The following ABCG8 variants were observed in gnomAD, a reference collection of about 807,000 sequenced individuals.
ABCG8 encodes ATP binding cassette subfamily G member 8, also known as ATP-binding cassette sub-family G member 8.
In ABCG8, 81 loss-of-function variants were observed where a neutral mutation model predicts 71.3. The ratio of observed to expected loss-of-function variants is 1.14; its 90% CI spans 0.95 to 1.37. The LOEUF is 1.37. Among genes scored for constraint, ABCG8 ranks in the 40% most tolerant of loss-of-function variants. The probability of loss-of-function intolerance (pLI) is 0.00; values close to 1 mark genes in which losing one functional copy is unlikely to be tolerated. For missense variants in ABCG8, 1,119 were observed against 866.2 expected (o/e 1.29, Z -3.66); for synonymous variants, 451 against 354.7 (o/e 1.27, Z -3.05).
At chr2:43,850,737 A>G (rs1470138608) in intron 3 of ABCG8, among the ~76,000 whole-genome samples, 2 of 152,160 alleles carry the variant, frequency 1.3e-5, no homozygotes, top group Non-Finnish European at 2.9e-5. Flanking sequence ...ACATGGCGAA[A>G]CCCTGTCTCT....
In ABCG8 at chr2:43,851,796, T is replaced by C; in HGVS notation, c.535T>C (p.Phe179Leu). 1 of 1,614,194 alleles carries C rather than the reference T, an allele frequency of 6.2e-7. No homozygotes were observed. ...TGCCCAGATGCGGCTGCCCAGAACCTTCTCCCAGGCCCAGCGTGACAAAAG... is the reference window on the plus strand; with the variant it reads ...TGCCCAGATGCGGCTGCCCAGAACCCTCTCCCAGGCCCAGCGTGACAAAAG... ...FIAQMRLPRT[F>L]SQAQRDKRVE... The change falls in exon 4 of 13, where the codon TTC (phenylalanine) becomes CTC (leucine). Residue 179 changes from phenylalanine (F) to leucine (L), a missense_variant. Physicochemically the swap from Phe to Leu is conservative, Grantham distance 22 (BLOSUM62 0). Transcript: ENST00000272286.
At chr2:43,874,383 C>CTT (rs918788754) in intron 9 of ABCG8, 24 bp from the exon 10 acceptor site, 1 of 1,539,902 alleles carries the variant, frequency 6.5e-7, no homozygotes, top group African/African-American at 1.4e-5. Context: ...TCTTCATTCT[C>CTT]TTTTCCTTTC....
intron 1 of ABCG8, among the ~76,000 whole-genome samples, chr2:43,842,204 G>A (rs1011110760): frequency 2.6e-5 from 4 of 152,024 alleles, no homozygotes; most frequent in African/African-American, 9.7e-5. Context: ...GTAGAGACAG[G>A]GTTTCACTGT....
chr2:43,877,544 C>T lies in ABCG8; in HGVS notation c.1757-17C>T. ...ATATGAGGGACACCTGTGAGTAACGCGGCTGTCTGTCTCCAGTGCCCGCGT... is the reference window on the plus strand; with the variant it reads ...ATATGAGGGACACCTGTGAGTAACGTGGCTGTCTGTCTCCAGTGCCCGCGT... On this transcript the variant is annotated splice_polypyrimidine_tract_variant and intron_variant, in intron 11 of 12. Coordinates refer to ENST00000272286, the MANE Select transcript of ABCG8 (RefSeq NM_022437.3). 6.2e-7 allele frequency: 1 copy of T among 1,613,362 alleles called. No individual in the cohort carries two copies. The highest frequency in any genetic ancestry group is 2.2e-5 in the East Asian group (1 of 44,874).
At chr2:43,851,099 A>G (rs1376969110) in intron 3 of ABCG8, among the ~76,000 whole-genome samples, 1 of 152,210 alleles carries the variant, frequency 6.6e-6, no homozygotes, top group Non-Finnish European at 1.5e-5. Context: ...AAGACGCTCT[A>G]TAAATGCTCC....
rs1026907000 is a variant in ABCG8 at position 43,863,160 on chromosome 2, A to C, written c.965-8816A>C. Among the ~76,000 whole-genome samples, 4 of 150,432 alleles carry C rather than the reference A, an allele frequency of 2.7e-5. 1 individual carries two copies. Among genetic ancestry groups the C allele is most frequent in the Non-Finnish European group, 5.9e-5 (4 of 67,234 alleles). On this transcript the variant is annotated intron_variant, in intron 6 of 12. Transcript: ENST00000272286. ...ATATAACTCTCACTATCTGGATAGA[A>C]TTTTCACTCTCTGGATATAACTCTC...
At chr2:43,854,979 C>A (rs58696060) in intron 6 of ABCG8, among the ~76,000 whole-genome samples, 3 of 152,258 alleles carry the variant, frequency 2.0e-5, no homozygotes, top group Non-Finnish European at 2.9e-5. Flanking sequence ...GCAGAGCAGC[C>A]GACCAAGGGG....
chr2:43,864,370 A>G (rs985395806), intron 6 of ABCG8, among the ~76,000 whole-genome samples: 1 of 151,642 alleles, frequency 6.6e-6, no homozygotes, highest in South Asian at 2.1e-4. Context: ...ACCTATCTGG[A>G]TATAATTCTC....
At position 43,839,403 on chromosome 2, in the gene ABCG8, C is replaced by CTTTTTTTTTTTTTTTTTT. The variant is rs537784677; in HGVS notation, c.63+311_63+328dup. 1.2e-3 allele frequency among the ~76,000 whole-genome samples: 69 copies of CTTTTTTTTTTTTTTTTTT among 59,312 alleles called. 16 individuals are homozygous for CTTTTTTTTTTTTTTTTTT. The highest frequency in any genetic ancestry group is 1.8e-3 in the Non-Finnish European group (56 of 31,222). 38.9% of individuals were successfully genotyped at this position (59,312 alleles called of 152,430 possible). ...CACTTTTTCTTTTTTCTTTTCTTCT[C>CTTTTTTTTTTTTTTTTTT]TTTTTTTTTTTTTTTTTTTTTTTTT... On this transcript the variant is annotated intron_variant, in intron 1 of 12. Coordinates refer to ENST00000272286, the MANE Select transcript of ABCG8 (RefSeq NM_022437.3).
chr2:43,844,631 G>A (rs370157677), intron 2 of ABCG8, 23 bp downstream of exon 2: 35 of 1,579,366 alleles, frequency 2.2e-5, no homozygotes, highest in Middle Eastern at 3.3e-4. Context: ...CTGGGTTCAA[G>A]GGGAGAGGAG....
intron 6 of ABCG8, among the ~76,000 whole-genome samples, chr2:43,868,560 C>T (rs994688143): frequency 6.6e-6 from 1 of 152,072 alleles, no homozygotes; most frequent in African/African-American, 2.4e-5. Context: ...AGAATTCTGA[C>T]CAGCTGGAGA....
At chr2:43,843,581 G>C (rs375205351) in intron 1 of ABCG8, among the ~76,000 whole-genome samples, 9 of 152,100 alleles carry the variant, frequency 5.9e-5, no homozygotes, top group African/African-American at 2.2e-4. Context: ...TTGAGCCTGA[G>C]AGGTTGAGGA....
intron 1 of ABCG8, 51 bp from the exon 2 acceptor site, chr2:43,844,456 A>C: frequency 6.8e-7 from 1 of 1,462,974 alleles, no homozygotes; most frequent in African/African-American, 1.4e-5. Flanking sequence ...GTCTTCTCCT[A>C]TGTTCTCAGC....
intron 4 of ABCG8, 130 bp from the exon 5 acceptor site, chr2:43,852,224 A>G (rs1668942562): frequency 7.7e-7 from 1 of 1,299,616 alleles, no homozygotes; most frequent in Non-Finnish European, 1.1e-6. Flanking sequence ...TTGGAACTCA[A>G]GTGCTGGAGC....
chr2:43,842,445 C>A (rs1368891183), intron 1 of ABCG8, among the ~76,000 whole-genome samples: 1 of 152,204 alleles, frequency 6.6e-6, no homozygotes, highest in Non-Finnish European at 1.5e-5. Flanking sequence ...AGTCCAGCAT[C>A]TGTCCGAGCT....
rs13405698 is a variant in ABCG8, at chr2:43,874,572, T to C, written c.1488+89T>C. The C allele has an allele frequency of 0.25, 279,429 of 1,104,180 alleles. 37,859 individuals carry two copies. The highest frequency in any genetic ancestry group is 0.31 in the Middle Eastern group (1,555 of 4,944). The allele number at this position is 1,104,180 out of a possible 1,614,324, so 68.4% of individuals were successfully genotyped here. A position where few individuals can be genotyped will look rare whatever the true frequency, so the allele number is the denominator to read the frequency against. On this transcript the variant is annotated intron_variant, in intron 10 of 12. Coordinates refer to ENST00000272286, the MANE Select transcript of ABCG8 (RefSeq NM_022437.3). ...AACGTTGCTACAAGGAAGGCTTTTC[T>C]GAACCATGGGGCCGTGGGTCATGTG... is the stretch of plus-strand genomic sequence containing the variant.
At chr2:43,857,467 C>T (rs868084268) in intron 6 of ABCG8, among the ~76,000 whole-genome samples, 4 of 150,968 alleles carry the variant, frequency 2.6e-5, no homozygotes, top group Middle Eastern at 3.5e-3. Context: ...CTATATAGAA[C>T]TCTCACTATC....
chr2:43,851,506 A>G, intron 3 of ABCG8, 78 bp from the exon 4 acceptor site: 1 of 1,500,566 alleles, frequency 6.7e-7, no homozygotes, highest in Non-Finnish European at 9.3e-7. Flanking sequence ...GGTCCTGGAG[A>G]GTGTATGGGG....
At chr2:43,840,307 CTGTGGGGCCCACCACTTCGGGAAATG>C (rs1353102588) in intron 1 of ABCG8, among the ~76,000 whole-genome samples, 3 of 152,226 alleles carry the variant, frequency 2.0e-5, no homozygotes, top group African/African-American at 7.2e-5. Context: ...TCTGAATACC[CTGTGGGGCCCACCACTTCGGGAAATG>C]TTTAAAGCCT....
Sources: gnomAD v4.1 joint callset for allele counts (sites outside exome capture counted in the v4.1 genomes callset) on GRCh38, gnomAD v4.1.1 for gene constraint, MANE v1.5 for transcripts, NCBI Gene and HGNC (gene_info 2026-07-23, HGNC 2026-07-21) for gene names.